The following MAPK6 variants were observed in gnomAD, a reference collection of about 807,000 sequenced individuals.
The protein encoded by MAPK6 is ERK-3.
A neutral mutation model predicts 59.3 loss-of-function variants in MAPK6; 19 were observed. The observed-to-expected ratio is 0.32, with a 90% CI of 0.22 to 0.47. The LOEUF is 0.47. Ranked by LOEUF, MAPK6 falls within the 20% of genes least tolerant of loss-of-function variation. MAPK6 has a pLI of 1.00. For missense variants in MAPK6, 724 were observed against 847.9 expected, an observed-to-expected ratio of 0.85 and a Z score of 1.81; for synonymous variants, 316 against 290.3, an observed-to-expected ratio of 1.09 and a Z score of -0.90.
chr15:52,025,934 GGAGA>G (rs774333876), intron 1 of MAPK6, among the ~76,000 whole-genome samples: 32 of 152,172 alleles, frequency 2.1e-4, no homozygotes, highest in Non-Finnish European at 4.1e-4. Context: ...TGTACAAATT[GGAGA>G]GAGAGTATGT....
chr15:52,051,883 A>AG, intron 3 of MAPK6, among the ~76,000 whole-genome samples: 1 of 152,098 alleles, frequency 6.6e-6, no homozygotes, highest in Admixed American at 6.6e-5. Flanking sequence ...AAAAAAAAAA[A>AG]AAAATTTCTA....
At chr15:52,028,329 C>G (rs903892725) in intron 1 of MAPK6, among the ~76,000 whole-genome samples, 4 of 152,098 alleles carry the variant, frequency 2.6e-5, no homozygotes, top group South Asian at 4.2e-4. Context: ...TCAAGTGATT[C>G]ATCTGCCTTG....
At chr15:52,062,519 C>T (rs2032243002) in intron 5 of MAPK6, among the ~76,000 whole-genome samples, 1 of 151,974 alleles carries the variant, frequency 6.6e-6, no homozygotes, top group Admixed American at 6.6e-5. Flanking sequence ...AATCCCAGCA[C>T]TTTGCGAGGC....
chr15:51,993,817 T>TC (rs2057216923), intron 2 of MAPK6, among the ~76,000 whole-genome samples: 1 of 149,890 alleles, frequency 6.7e-6, no homozygotes, highest in Non-Finnish European at 1.5e-5. Context: ...TTTTTTTTTT[T>TC]GACATGAGGT....
At chr15:52,016,915 G>A (rs1363691228), upstream of MAPK6, among the ~76,000 whole-genome samples, 2 of 152,066 alleles carry the variant, frequency 1.3e-5, no homozygotes, top group African/African-American at 2.4e-5. Context: ...GTGCTGGCGC[G>A]CACCTGTAGT....
At chr15:52,020,522 G>GAGC (rs1344022567) in intron 1 of MAPK6, among the ~76,000 whole-genome samples, 1 of 151,926 alleles carries the variant, frequency 6.6e-6, no homozygotes, top group Non-Finnish European at 1.5e-5. Flanking sequence ...ATACAATGAA[G>GAGC]AGCAAGCAGC....
intron 2 of MAPK6, among the ~76,000 whole-genome samples, chr15:51,988,107 GTTTATGTTTATTT>G (rs1014772556): frequency 3.9e-5 from 6 of 152,060 alleles, no homozygotes; most frequent in Admixed American, 6.6e-5. Context: ...TAAGGATGAA[GTTTATGTTTATTT>G]TTTATGTTTC....
chr15:52,013,303 A>G (rs2030145835), intron 3 of MAPK6, among the ~76,000 whole-genome samples: 1 of 151,932 alleles, frequency 6.6e-6, no homozygotes, highest in Admixed American at 6.6e-5. Flanking sequence ...AGAAGTCATG[A>G]TGACCTCTTA....
intron 3 of MAPK6, among the ~76,000 whole-genome samples, chr15:52,007,579 C>T (rs2029930233): frequency 6.6e-6 from 1 of 151,736 alleles, no homozygotes; most frequent in Non-Finnish European, 1.5e-5. Flanking sequence ...GTTTTAAATA[C>T]AAATATAAGA....
intron 3 of MAPK6, chr15:52,056,788 G>C (rs1306560688): frequency 6.6e-6 from 1 of 152,042 alleles, no homozygotes; most frequent in Non-Finnish European, 1.5e-5. Context: ...TTAGTCCCTG[G>C]GTAGTCTCAT....
At chr15:51,986,698 C>T (rs1349164782) in intron 2 of MAPK6, among the ~76,000 whole-genome samples, 1 of 152,142 alleles carries the variant, frequency 6.6e-6, no homozygotes, top group African/African-American at 2.4e-5. Flanking sequence ...GATGAATTCA[C>T]TCTTTTATAT....
intron 2 of MAPK6, among the ~76,000 whole-genome samples, chr15:51,996,040 C>T (rs1438424911): frequency 3.3e-5 from 5 of 152,166 alleles, no homozygotes; most frequent in South Asian, 2.1e-4. Context: ...CCTGGGGAGG[C>T]GATTTAGATT....
Position 51,998,036 on chromosome 15 carries a change from C to T in MAPK6, c.-769-6229C>T, listed in dbSNP as rs2057230657. On this transcript the variant is annotated intron_variant, in intron 2 of 7. Transcript: ENST00000691380. The stretch of plus-strand genomic sequence containing the variant: ...TCAGCTCACTGCAACCTCTACCTCC[C>T]GTGTTCAAGCAATTCTCCCGCCTCA... Among the ~76,000 whole-genome samples, 3 of 151,880 alleles carry T rather than the reference C, an allele frequency of 2.0e-5. 1 individual carries two copies. Among genetic ancestry groups the T allele is most frequent in the South Asian group, 4.2e-4 (2 of 4,802 alleles).
chr15:52,028,585 G>T (rs765086839), intron 1 of MAPK6, among the ~76,000 whole-genome samples: 1 of 152,210 alleles, frequency 6.6e-6, no homozygotes, highest in African/African-American at 2.4e-5. Flanking sequence ...CCTCAGTGAT[G>T]CTAGTCATAT....
intron 1 of MAPK6, among the ~76,000 whole-genome samples, chr15:52,030,752 G>A (rs1317318061): frequency 1.3e-5 from 2 of 149,070 alleles, no homozygotes; most frequent in Non-Finnish European, 3.0e-5. Flanking sequence ...TCAGCCTCCC[G>A]AGTAGCTGGG....
At chr15:52,045,216 A>T (rs552441533) in intron 1 of MAPK6, among the ~76,000 whole-genome samples, 27 of 151,848 alleles carry the variant, frequency 1.8e-4, no homozygotes, top group Non-Finnish European at 3.4e-4. Flanking sequence ...GTTTTTCTAC[A>T]CTCCTCAGAC....
Position 52,060,253 on chromosome 15 carries a change from TAAAGA to T in MAPK6, c.866-1036_866-1032del, listed in dbSNP as rs573269199. The stretch of plus-strand genomic sequence containing the variant: ...ATGCTGTGTCTTAAAATTATCTTTC[TAAAGA>T]AAAGAAAAGGGTTCTTTCTAGAGTA... On this transcript the variant is annotated intron_variant, in intron 4 of 5. Coordinates refer to ENST00000261845, the MANE Select transcript of MAPK6 (RefSeq NM_002748.4). Among the ~76,000 whole-genome samples, 174 of 152,194 alleles carry T rather than the reference TAAAGA, an allele frequency of 1.1e-3. 5 individuals are homozygous for T. In the South Asian group the frequency reaches 0.034, roughly 30 times the overall value.
At position 52,012,848 on chromosome 15, in the gene MAPK6, G is replaced by A. The variant is rs1367040194; in HGVS notation, c.-632+8446G>A. ...CTAAAAATACAAAAATTAGCCGGGCGTGGTGGTGGGTGCCTGTAGTCCCAG... is the reference window on the plus strand; with the variant it reads ...CTAAAAATACAAAAATTAGCCGGGCATGGTGGTGGGTGCCTGTAGTCCCAG... On this transcript the variant is annotated intron_variant, in intron 3 of 7. Coordinates refer to the MAPK6 transcript ENST00000691380. Among the ~76,000 whole-genome samples the A allele has an allele frequency of 4.0e-5, 6 of 151,198 alleles. No individual in the cohort carries two copies. In the South Asian group the frequency reaches 1.3e-3, roughly 32 times the overall value.
At chr15:51,971,883 C>G (rs1295540245) in exon 1 of MAPK6, 1 of 865,712 alleles carries the variant, frequency 1.2e-6, no homozygotes, top group Non-Finnish European at 1.9e-6. Context: ...TTTTCGCTCG[C>G]CCAGTGAACC....
Sources: gnomAD v4.1 joint callset for allele counts (sites outside exome capture counted in the v4.1 genomes callset) on GRCh38, gnomAD v4.1.1 for gene constraint, MANE v1.5 for transcripts, NCBI Gene and HGNC (gene_info 2026-07-23, HGNC 2026-07-21) for gene names.